The following SCFD2 variants were observed in gnomAD, a reference collection of about 807,000 sequenced individuals.
The protein encoded by SCFD2 is sec1 family domain containing 2.
In SCFD2, 54 loss-of-function variants were observed where a neutral mutation model predicts 58.9. The ratio of observed to expected loss-of-function variants is 0.92; its 90% CI spans 0.74 to 1.15. The LOEUF (loss-of-function observed/expected upper bound fraction) is 1.15. SCFD2 is among the 50% of genes most tolerant of loss of function. SCFD2 has a pLI of 0.00. For missense variants in SCFD2, 805 were observed against 836.6 expected (o/e 0.96, Z 0.47); for synonymous variants, 321 against 335.9 (o/e 0.96, Z 0.49).
chr4:53,164,484 AATACC>A (rs1726945380), intron 4 of SCFD2, among the ~76,000 whole-genome samples: 1 of 152,174 alleles, frequency 6.6e-6, no homozygotes, highest in South Asian at 2.1e-4. Flanking sequence ...AGACCCAGAG[AATACC>A]ATCTAGAAGT....
intron 3 of SCFD2, among the ~76,000 whole-genome samples, chr4:53,275,400 C>T (rs550504144): frequency 4.6e-4 from 70 of 152,170 alleles, no homozygotes; most frequent in African/African-American, 1.6e-3. Flanking sequence ...TTTCTTTGGT[C>T]CCTTGGTAAA....
At chr4:53,288,990 C>A (rs2149084266) in intron 3 of SCFD2, among the ~76,000 whole-genome samples, 1 of 152,248 alleles carries the variant, frequency 6.6e-6, no homozygotes, top group South Asian at 2.1e-4. Flanking sequence ...ATTCTGACAT[C>A]AAAAATATAA....
At chr4:53,090,252 G>A (rs184846562) in intron 5 of SCFD2, among the ~76,000 whole-genome samples, 1 of 152,262 alleles carries the variant, frequency 6.6e-6, no homozygotes, top group Non-Finnish European at 1.5e-5. Context: ...CAAAAAATAA[G>A]AAATCCAAAA....
chr4:53,122,546 A>T (rs1725509551), intron 5 of SCFD2, among the ~76,000 whole-genome samples: 1 of 152,224 alleles, frequency 6.6e-6, no homozygotes, highest in South Asian at 2.1e-4. Context: ...AAATAAGCAG[A>T]ATAAATAGGT....
At chr4:52,879,379 C>A (rs1192489114) in intron 8 of SCFD2, among the ~76,000 whole-genome samples, 1 of 152,128 alleles carries the variant, frequency 6.6e-6, no homozygotes. Context: ...TTTTGAAGAG[C>A]CTGAACGACA....
chr4:53,056,349 T>TTCAGCC, intron 5 of SCFD2, among the ~76,000 whole-genome samples: 1 of 152,230 alleles, frequency 6.6e-6, no homozygotes. Context: ...ATCCCAACCA[T>TTCAGCC]TCAGCCTCAG....
chr4:52,992,024 G>GGTCTCCCTCTCCCCGCA (rs902596150), intron 5 of SCFD2, among the ~76,000 whole-genome samples: 1 of 151,220 alleles, frequency 6.6e-6, no homozygotes, highest in African/African-American at 2.4e-5. Flanking sequence ...CTCTCCCCAC[G>GGTCTCCCTCTCCCCGCA]GTCTCCCTCT....
Position 53,056,864 on chromosome 4 carries a change from G to C in SCFD2, c.1561+88469C>G, listed in dbSNP as rs371850304. 6.6e-5 allele frequency among the ~76,000 whole-genome samples: 10 copies of C among 152,068 alleles called. No homozygotes were observed. In the East Asian group the frequency reaches 7.7e-4, roughly 12 times the overall value. On this transcript the variant is annotated intron_variant, in intron 5 of 8. Coordinates refer to ENST00000401642, the MANE Select transcript of SCFD2 (RefSeq NM_152540.4). ...GTAATAATGAGGAAGGAGATACTGG[G>C]AAAAGGAGGAAAGTCTGACAAAGAC...
intron 5 of SCFD2, among the ~76,000 whole-genome samples, chr4:53,072,220 G>T (rs551758923): frequency 6.6e-6 from 1 of 152,274 alleles, no homozygotes; most frequent in East Asian, 1.9e-4. Flanking sequence ...AAAGGGTACT[G>T]TTAGCAATCC....
chr4:52,986,189 G>T (rs1037527304), intron 5 of SCFD2, among the ~76,000 whole-genome samples: 1 of 149,766 alleles, frequency 6.7e-6, no homozygotes, highest in African/African-American at 2.5e-5. Flanking sequence ...TCTTCCCTCT[G>T]CCCGTTCCCT....
chr4:53,151,548 T>C (rs530089035), intron 4 of SCFD2, among the ~76,000 whole-genome samples: 8 of 152,334 alleles, frequency 5.3e-5, no homozygotes, highest in Non-Finnish European at 8.8e-5. Context: ...ACTGGCTACC[T>C]TGGCAGGCAT....
intron 4 of SCFD2, among the ~76,000 whole-genome samples, chr4:53,218,332 T>C (rs779474463): frequency 4.6e-5 from 7 of 152,226 alleles, no homozygotes; most frequent in Non-Finnish European, 8.8e-5. Flanking sequence ...TTGGAAGCTG[T>C]GTTCATTTCT....
At chr4:53,330,366 A>C (rs1733400866) in intron 2 of SCFD2, among the ~76,000 whole-genome samples, 2 of 152,100 alleles carry the variant, frequency 1.3e-5, no homozygotes, top group African/African-American at 4.8e-5. Context: ...TTACCCTCAA[A>C]GGGAAGCCCA....
At chr4:53,218,048 C>T (rs540068877) in intron 4 of SCFD2, among the ~76,000 whole-genome samples, 29 of 152,226 alleles carry the variant, frequency 1.9e-4, no homozygotes, top group Admixed American at 5.2e-4. Context: ...GTGGGTAACC[C>T]GACCTTTCTC....
intron 5 of SCFD2, among the ~76,000 whole-genome samples, chr4:53,069,309 A>G (rs1027244590): frequency 6.6e-6 from 1 of 152,058 alleles, no homozygotes; most frequent in Non-Finnish European, 1.5e-5. Context: ...GAATGAGTCC[A>G]CGACTCTGAA....
chr4:52,954,213 T>C lies in SCFD2; in HGVS notation c.1562-33343A>G, dbSNP rs999181977. Among the ~76,000 whole-genome samples, 4 of 152,316 alleles carry C rather than the reference T, an allele frequency of 2.6e-5. No individual in the cohort carries two copies. In the East Asian group the frequency reaches 7.7e-4, roughly 29 times the overall value. ...CCACAACCTCCTCTTCAGTGGCAGG[T>C]TGTCCCCAAGTCTTTGGTCTCTCAC... is the stretch of plus-strand genomic sequence containing the variant. On this transcript the variant is annotated intron_variant, in intron 5 of 8. Coordinates refer to ENST00000401642, the MANE Select transcript of SCFD2 (RefSeq NM_152540.4).
intron 5 of SCFD2, among the ~76,000 whole-genome samples, chr4:53,054,390 A>T (rs1337599039): frequency 1.3e-5 from 2 of 152,148 alleles, no homozygotes; most frequent in Non-Finnish European, 2.9e-5. Context: ...AGGCTTCTAG[A>T]GGGCAGAATT....
chr4:53,244,882 AGAG>A (rs1730017589), intron 4 of SCFD2, among the ~76,000 whole-genome samples: 6 of 151,886 alleles, frequency 4.0e-5, no homozygotes, highest in Admixed American at 3.9e-4. Flanking sequence ...AGAAAAAAAG[AGAG>A]AAGATTCAAA....
intron 5 of SCFD2, among the ~76,000 whole-genome samples, chr4:53,039,356 C>T (rs2148823445): frequency 6.6e-6 from 1 of 152,234 alleles, no homozygotes; most frequent in Admixed American, 6.5e-5. Context: ...TCAGAATAAG[C>T]CTTAAAATAC....
Sources: gnomAD v4.1 joint callset for allele counts (sites outside exome capture counted in the v4.1 genomes callset) on GRCh38, gnomAD v4.1.1 for gene constraint, MANE v1.5 for transcripts, NCBI Gene and HGNC (gene_info 2026-07-23, HGNC 2026-07-21) for gene names.